NVL: variants seen among roughly 807,000 people sequenced by gnomAD.
NVL encodes nuclear VCP like, also known as nuclear valosin-containing protein-like.
A neutral mutation model predicts 110.2 loss-of-function variants in NVL; 84 were observed. That is an observed-to-expected ratio of 0.76 (90% confidence interval 0.64 to 0.91). The LOEUF is 0.91. Among genes scored for constraint, NVL ranks in the 40% least tolerant of loss-of-function variants. NVL has a pLI of 0.00. For missense variants in NVL, 882 were observed against 1,035.9 expected (o/e 0.85, Z 2.04); for synonymous variants, 354 against 361.1 (o/e 0.98, Z 0.22).
At chr1:224,306,544 G>A (rs932708675) in intron 6 of NVL, among the ~76,000 whole-genome samples, 1 of 152,152 alleles carries the variant, frequency 6.6e-6, no homozygotes, top group Non-Finnish European at 1.5e-5. Context: ...GGGAATACAG[G>A]TGTGAGCCAC....
intron 1 of NVL, among the ~76,000 whole-genome samples, chr1:224,327,133 C>T (rs2102810832): frequency 6.6e-6 from 1 of 152,138 alleles, no homozygotes; most frequent in South Asian, 2.1e-4. Context: ...AGAACGAGAC[C>T]TTATCTCAAA....
chr1:224,301,726 A>C (rs747335854), intron 9 of NVL: 30 of 322,862 alleles, frequency 9.3e-5, no homozygotes, highest in Non-Finnish European at 1.7e-4. Flanking sequence ...TTTGAGCCTG[A>C]GAAGTCAAAG....
At chr1:224,281,686 G>A (rs1055627751) in intron 15 of NVL, among the ~76,000 whole-genome samples, 12 of 151,126 alleles carry the variant, frequency 7.9e-5, no homozygotes, top group Admixed American at 7.9e-4. Flanking sequence ...TGGGTGCGGT[G>A]ACTCGCCTGT....
intron 21 of NVL, chr1:224,232,023 G>A (rs1179597227): frequency 6.9e-6 from 1 of 143,906 alleles, no homozygotes; most frequent in Non-Finnish European, 1.5e-5. Context: ...CAAGACTCAA[G>A]TTTAGAAAAT....
At chr1:224,238,314 A>AG (rs948489550) in intron 19 of NVL, among the ~76,000 whole-genome samples, 9 of 152,138 alleles carry the variant, frequency 5.9e-5, no homozygotes, top group African/African-American at 2.2e-4. Context: ...ATTACAGGTG[A>AG]GGGCCACAGC....
intron 20 of NVL, among the ~76,000 whole-genome samples, chr1:224,235,042 A>G (rs1660309379): frequency 6.6e-6 from 1 of 152,260 alleles, no homozygotes; most frequent in East Asian, 1.9e-4. Flanking sequence ...GCCTCAAACA[A>G]TCTGCCTGCC....
At chr1:224,311,911 A>T (rs906008348) in intron 4 of NVL, 54 bp from the exon 5 acceptor site, 1 of 1,348,856 alleles carries the variant, frequency 7.4e-7, no homozygotes, top group African/African-American at 1.4e-5. Context: ...ATATCCTAAA[A>T]AAATGACTAC....
chr1:224,303,787 CGAG>C lies in NVL; in HGVS notation c.893_895del (p.Pro298del). The C allele has an allele frequency of 6.2e-7, 1 of 1,613,574 alleles. No individual in the cohort carries two copies. Among genetic ancestry groups the C allele is most frequent in the Non-Finnish European group, 8.5e-7 (1 of 1,179,784 alleles). Reference sequence around the variant, plus strand: ...TGGTGGTCCATGAAGGAGAACTCCACGAGGGGGCACGACGCCCAGGTGGTGGTA... The same window carrying C: ...TGGTGGTCCATGAAGGAGAACTCCACGGGGCACGACGCCCAGGTGGTGGTA... On this transcript the variant is annotated inframe_deletion, in exon 9 of 23. Transcript: ENST00000281701.
chr1:224,326,958 A>G (rs183164227), intron 1 of NVL, among the ~76,000 whole-genome samples: 6 of 152,298 alleles, frequency 3.9e-5, no homozygotes, highest in Admixed American at 6.5e-5. Flanking sequence ...CCTGGGCAAC[A>G]AAGTTTGACC....
chr1:224,304,483 G>C (rs550992768), intron 8 of NVL, among the ~76,000 whole-genome samples: 79 of 151,860 alleles, frequency 5.2e-4, no homozygotes, highest in African/African-American at 1.9e-3. Context: ...ATTACTATTA[G>C]TATTGCTAAG....
chr1:224,300,818 G>A (rs116096898), intron 9 of NVL, among the ~76,000 whole-genome samples, 155 bp from the exon 10 acceptor site: 69 of 152,116 alleles, frequency 4.5e-4, no homozygotes, highest in African/African-American at 1.6e-3. Flanking sequence ...AAAATCAATG[G>A]TTTTGGCCGG....
At chr1:224,235,638 G>GA (rs971358757) in intron 20 of NVL, among the ~76,000 whole-genome samples, 9 of 148,328 alleles carry the variant, frequency 6.1e-5, no homozygotes, top group East Asian at 2.1e-4. Context: ...ACATAATAGA[G>GA]AAAAAAAAAG....
intron 2 of NVL, among the ~76,000 whole-genome samples, chr1:224,323,603 G>A (rs923802275): frequency 6.6e-6 from 1 of 152,160 alleles, no homozygotes; most frequent in Non-Finnish European, 1.5e-5. Context: ...GGATTCTATA[G>A]GACAGGGCCA....
intron 19 of NVL, among the ~76,000 whole-genome samples, chr1:224,240,061 A>G (rs1043242101): frequency 4.4e-5 from 4 of 90,942 alleles, no homozygotes; most frequent in Admixed American, 1.5e-4. Flanking sequence ...ACGCTGGGTA[A>G]TTTTTTTTTT....
intron 12 of NVL, among the ~76,000 whole-genome samples, chr1:224,291,399 C>T (rs973242934): frequency 1.3e-5 from 2 of 152,180 alleles, no homozygotes; most frequent in African/African-American, 4.8e-5. Flanking sequence ...ATATTATAAA[C>T]TAACTTGGAC....
chr1:224,317,855 T>C (rs1221537095), intron 3 of NVL, 23 bp downstream of exon 3: 1 of 1,458,986 alleles, frequency 6.9e-7, no homozygotes, highest in South Asian at 1.2e-5. Context: ...TATTGATAAT[T>C]TAGCTCTAAC....
rs1332470935 is a variant in NVL at position 224,268,143 on chromosome 1, C to T, written c.2083-10G>A. The T allele has an allele frequency of 5.6e-6, 9 of 1,597,242 alleles. No homozygotes were observed. The highest frequency in any genetic ancestry group is 2.7e-5 in the African/African-American group (2 of 74,592). On this transcript the variant is annotated splice_polypyrimidine_tract_variant and intron_variant, in intron 17 of 22. Coordinates refer to ENST00000281701, the MANE Select transcript of NVL (RefSeq NM_002533.4). Reference sequence around the variant, plus strand: ...GGACACTTGCCCCTGTCTAAAAAGACATAAATCTGGTTCCATCAGCTCTCA... The same window carrying T: ...GGACACTTGCCCCTGTCTAAAAAGATATAAATCTGGTTCCATCAGCTCTCA...
At chr1:224,293,533 C>T (rs1667580271) in intron 12 of NVL, among the ~76,000 whole-genome samples, 1 of 152,232 alleles carries the variant, frequency 6.6e-6, no homozygotes, top group Admixed American at 6.5e-5. Flanking sequence ...CAGCAAACAG[C>T]TTTCAACTGT....
chr1:224,236,841 G>A (rs1660543052), intron 19 of NVL, among the ~76,000 whole-genome samples: 8 of 152,192 alleles, frequency 5.3e-5, no homozygotes, highest in Admixed American at 5.2e-4. Context: ...AGCCCTGGAG[G>A]TGGAGGTTGT....
Sources: allele counts gnomAD v4.1 joint callset (sites outside exome capture counted in the v4.1 genomes callset), GRCh38; gene constraint gnomAD v4.1.1; transcripts MANE v1.5; gene names NCBI Gene and HGNC (gene_info 2026-07-23, HGNC 2026-07-21).